CCNYL1: variants seen among roughly 807,000 people sequenced by gnomAD.
CCNYL1 encodes cyclin Y like 1.
CCNYL1 carries 16 observed loss-of-function variants against 44.2 expected under a neutral mutation model. The observed-to-expected ratio is 0.36, with a 90% confidence interval of 0.25 to 0.55. The LOEUF is 0.55. Among genes scored for constraint, CCNYL1 ranks in the 20% least tolerant of loss-of-function variants. The pLI is 0.85. For synonymous variants in CCNYL1, 159 were observed against 163.2 expected (o/e 0.97, Z 0.20); for missense variants, 348 against 451.8 (o/e 0.77, Z 2.08).
intron 1 of CCNYL1, among the ~76,000 whole-genome samples, chr2:207,713,198 G>A (rs1047882217): frequency 3.3e-5 from 5 of 152,178 alleles, no homozygotes; most frequent in Admixed American, 6.5e-5. Flanking sequence ...GCCATTCTCC[G>A]GTGACTTAAC....
At chr2:207,731,328 G>A (rs2091724229) in intron 3 of CCNYL1, among the ~76,000 whole-genome samples, 1 of 152,146 alleles carries the variant, frequency 6.6e-6, no homozygotes, top group South Asian at 2.1e-4. Context: ...TGACTCAGTA[G>A]ATTACTAAGT....
intron 8 of CCNYL1, among the ~76,000 whole-genome samples, chr2:207,748,457 G>A (rs879387749): frequency 1.3e-5 from 2 of 152,178 alleles, no homozygotes; most frequent in Admixed American, 6.5e-5. Context: ...GCCTCGTGTC[G>A]GCCGTGAAGG....
chr2:207,751,062 C>T lies in CCNYL1; in HGVS notation c.912C>T (p.Asp304=). ...TTGACCTTCGCTCCTTAGCAGATGA[C>T]AACAACCTGAATTTTCTATTTGCTC... The part of the protein sequence containing the change: ...YYFDLRSLAD[D]NNLNFLFAPL... The change falls in exon 9 of 10, where the codon GAC becomes GAT. Residue 304 remains aspartate, a synonymous_variant. Coordinates refer to ENST00000295414, the MANE Select transcript of CCNYL1 (RefSeq NM_001330218.2). 1 of 1,614,082 alleles carries T rather than the reference C, an allele frequency of 6.2e-7. No individual in the cohort carries two copies. Among genetic ancestry groups the T allele is most frequent in the Non-Finnish European group, 8.5e-7 (1 of 1,179,964 alleles).
Position 207,714,406 on chromosome 2 carries a change from C to A in CCNYL1, c.220+2290C>A, listed in dbSNP as rs990227351. 4 of 416,970 alleles carry A rather than the reference C, an allele frequency of 9.6e-6. No individual in the cohort carries two copies. In the Admixed American group the frequency reaches 1.2e-4, roughly 13 times the overall value. 25.8% of individuals were successfully genotyped at this position (416,970 alleles called of 1,614,324 possible). A position where few individuals can be genotyped will look rare whatever the true frequency, so the allele number is the denominator to read the frequency against. On this transcript the variant is annotated intron_variant, in intron 1 of 9. Coordinates refer to ENST00000295414, the MANE Select transcript of CCNYL1 (RefSeq NM_001330218.2). Reference sequence around the variant, plus strand: ...TCCTGGCCTGGGCTCAAGCAGTCCTCCCACCTCAGCCTCCTGAATAGCTGG... The same window carrying A: ...TCCTGGCCTGGGCTCAAGCAGTCCTACCACCTCAGCCTCCTGAATAGCTGG...
Position 207,751,257 on chromosome 2 carries a change from G to A in CCNYL1, c.969+138G>A. ...ACACTGAAGAGCTTATTAGCCCTTT[G>A]GCGTCAGATTTCCTGTGTCTTGTAT... On this transcript the variant is annotated intron_variant, in intron 9 of 9. Coordinates refer to ENST00000295414, the MANE Select transcript of CCNYL1 (RefSeq NM_001330218.2). The A allele has an allele frequency of 5.9e-6, 4 of 682,028 alleles. 1 individual carries two copies. The highest frequency in any genetic ancestry group is 2.4e-5 in the South Asian group (1 of 42,440). 42.2% of individuals were successfully genotyped at this position (682,028 alleles called of 1,614,324 possible). A position where few individuals can be genotyped will look rare whatever the true frequency, so the allele number is the denominator to read the frequency against.
chr2:207,742,558 G>T (rs953687359), intron 7 of CCNYL1, among the ~76,000 whole-genome samples: 12 of 152,136 alleles, frequency 7.9e-5, no homozygotes, highest in African/African-American at 2.7e-4. Context: ...TGCTACAAAA[G>T]GCAGCCGGGG....
chr2:207,729,044 G>T (rs546171668), intron 3 of CCNYL1, among the ~76,000 whole-genome samples: 3 of 152,024 alleles, frequency 2.0e-5, no homozygotes, highest in Non-Finnish European at 4.4e-5. Flanking sequence ...TGATCTGCCC[G>T]CCTCGGCGTC....
At chr2:207,718,545 A>G (rs1201386591) in intron 1 of CCNYL1, among the ~76,000 whole-genome samples, 1 of 152,196 alleles carries the variant, frequency 6.6e-6, no homozygotes, top group Non-Finnish European at 1.5e-5. Flanking sequence ...AGTAGGTAGC[A>G]AAGTGATGAA....
At chr2:207,747,936 T>C (rs761664046) in intron 8 of CCNYL1, among the ~76,000 whole-genome samples, 2 of 152,220 alleles carry the variant, frequency 1.3e-5, no homozygotes, top group Non-Finnish European at 2.9e-5. Context: ...CATTCATTTA[T>C]ATCTTTTCAT....
chr2:207,724,626 C>G (rs74570049), intron 1 of CCNYL1, among the ~76,000 whole-genome samples, 174 bp from the exon 2 acceptor site: 106 of 152,266 alleles, frequency 7.0e-4, no homozygotes, highest in African/African-American at 2.2e-3. Context: ...TGGAGAGATT[C>G]TACAATTTTG....
At position 207,755,881 on chromosome 2, in the gene CCNYL1, T is replaced by G. The variant is rs2091928450; in HGVS notation, c.*2183T>G. 6.6e-6 allele frequency: 1 copy of G among 152,228 alleles called. No individual in the cohort carries two copies. The highest frequency in any genetic ancestry group is 6.5e-5 in the Admixed American group (1 of 15,276). The allele number at this position is 152,228 out of a possible 1,614,324, so 9.4% of individuals were successfully genotyped here. A position where few individuals can be genotyped will look rare whatever the true frequency, so the allele number is the denominator to read the frequency against. On this transcript the variant is annotated 3_prime_UTR_variant, in exon 10 of 10. Coordinates refer to ENST00000295414, the MANE Select transcript of CCNYL1 (RefSeq NM_001330218.2). ...TTCTCAAATCTAATCCTAGGAATCT[T>G]GCTTATAAACAAAGCATTTCTGGGA...
chr2:207,748,733 A>G (rs948163800), intron 8 of CCNYL1, among the ~76,000 whole-genome samples: 1 of 152,328 alleles, frequency 6.6e-6, no homozygotes, highest in Non-Finnish European at 1.5e-5. Context: ...TGAAGTGAGG[A>G]TACTTGTGAC....
intron 7 of CCNYL1, among the ~76,000 whole-genome samples, chr2:207,744,613 G>A (rs960199985): frequency 6.6e-6 from 1 of 151,154 alleles, no homozygotes; most frequent in Non-Finnish European, 1.5e-5. Context: ...CAGGTGATCC[G>A]CCTACTTCGG....
At position 207,744,218 on chromosome 2, in the gene CCNYL1, C is replaced by T. The variant is rs577249123; in HGVS notation, c.639+1876C>T. 2.1e-4 allele frequency among the ~76,000 whole-genome samples: 30 copies of T among 144,608 alleles called. No homozygotes were observed. In the South Asian group the frequency reaches 6.3e-3, roughly 31 times the overall value. The allele number at this position is 144,608 out of a possible 152,430, so 94.9% of individuals were successfully genotyped here. A position where few individuals can be genotyped will look rare whatever the true frequency, so the allele number is the denominator to read the frequency against. Reference sequence around the variant, plus strand: ...CAGCCAGACAAGTGCCAAGACTAGACAGGAACATTTTGTGTGTGTGTGTGT... The same window carrying T: ...CAGCCAGACAAGTGCCAAGACTAGATAGGAACATTTTGTGTGTGTGTGTGT... On this transcript the variant is annotated intron_variant, in intron 7 of 9. Transcript: ENST00000295414.
At chr2:207,715,202 A>T (rs866761797) in intron 1 of CCNYL1, among the ~76,000 whole-genome samples, 41 of 152,106 alleles carry the variant, frequency 2.7e-4, no homozygotes, top group African/African-American at 9.2e-4. Context: ...CAGGAGGCAG[A>T]GGTTGCAGTG....
At chr2:207,726,796 G>A in intron 2 of CCNYL1, 46 bp from the exon 3 acceptor site, 3 of 1,330,438 alleles carry the variant, frequency 2.3e-6, no homozygotes, top group Non-Finnish European at 3.1e-6. Context: ...CTTTTATACT[G>A]TGGCATTTGT....
Position 207,731,541 on chromosome 2 carries a change from A to G in CCNYL1, c.331-2406A>G, listed in dbSNP as rs558139389. Among the ~76,000 whole-genome samples the G allele has an allele frequency of 2.6e-5, 4 of 152,080 alleles. No individual in the cohort carries two copies. In the South Asian group the frequency reaches 8.3e-4, roughly 32 times the overall value. Reference sequence around the variant, plus strand: ...TTTTTTTTAAGTATTTATATTTTATATTATTATGTTTGTCAATAGAGTTTG... The same window carrying G: ...TTTTTTTTAAGTATTTATATTTTATGTTATTATGTTTGTCAATAGAGTTTG... On this transcript the variant is annotated intron_variant, in intron 3 of 9. Transcript: ENST00000295414.
chr2:207,720,690 C>G (rs1021434559), intron 1 of CCNYL1, among the ~76,000 whole-genome samples: 3 of 152,062 alleles, frequency 2.0e-5, no homozygotes, highest in Non-Finnish European at 4.4e-5. Context: ...GCTGGGATTA[C>G]AGGTGTGAGT....
chr2:207,729,277 CCCA>C (rs2091705827), intron 3 of CCNYL1, among the ~76,000 whole-genome samples: 9 of 114,010 alleles, frequency 7.9e-5, no homozygotes, highest in African/African-American at 3.1e-4. Flanking sequence ...CCCCACCCCC[CCCA>C]CCCCCCCGCA....
Sources: gnomAD v4.1 joint callset for allele counts (sites outside exome capture counted in the v4.1 genomes callset) on GRCh38, gnomAD v4.1.1 for gene constraint, MANE v1.5 for transcripts, NCBI Gene and HGNC (gene_info 2026-07-23, HGNC 2026-07-21) for gene names.